The following CNRIP1 variants were observed in gnomAD, a reference collection of about 807,000 sequenced individuals.
The protein encoded by CNRIP1 is CB1 cannabinoid receptor-interacting protein 1.
Under a neutral mutation model 15.2 loss-of-function variants are expected in CNRIP1, and 10 were observed. The observed-to-expected ratio is 0.66, with a 90% CI of 0.41 to 1.12. CNRIP1 has a LOEUF of 1.12. CNRIP1 is among the 50% of genes most tolerant of loss of function. The pLI, the probability that CNRIP1 is intolerant of heterozygous loss-of-function variation, is 0.00. For synonymous variants in CNRIP1, 91 were observed against 83.2 expected, an observed-to-expected ratio of 1.09 and a Z score of -0.51; for missense variants, 211 against 214.7, an observed-to-expected ratio of 0.98 and a Z score of 0.11.
chr2:68,308,742 A>G (rs1671961716), intron 2 of CNRIP1, among the ~76,000 whole-genome samples: 1 of 152,166 alleles, frequency 6.6e-6, no homozygotes, highest in Non-Finnish European at 1.5e-5. Flanking sequence ...TTGCTGGTGC[A>G]AAAATTAAAA....
chr2:68,306,124 C>CAAAAAGAA (rs1671834705), intron 2 of CNRIP1, among the ~76,000 whole-genome samples: 1 of 25,328 alleles, frequency 3.9e-5, no homozygotes, highest in African/African-American at 1.5e-4. Context: ...CCCACCTCTA[C>CAAAAAGAA]AAAAAAAAAA....
chr2:68,289,984 G>A (rs993733826), downstream of CNRIP1, among the ~76,000 whole-genome samples: 2 of 150,866 alleles, frequency 1.3e-5, no homozygotes, highest in Admixed American at 6.6e-5. Context: ...AAACAGCTGA[G>A]CTGGGATTTA....
chr2:68,301,013 TTCAGACA>T (rs1378539603), intron 2 of CNRIP1, among the ~76,000 whole-genome samples: 1 of 152,234 alleles, frequency 6.6e-6, no homozygotes, highest in Non-Finnish European at 1.5e-5. Flanking sequence ...CATAAATTCT[TTCAGACA>T]GCAGACAGAA....
chr2:68,316,372 A>G (rs1672271726), intron 2 of CNRIP1: 1 of 152,204 alleles, frequency 6.6e-6, no homozygotes, highest in Non-Finnish European at 1.5e-5. Flanking sequence ...TAGAGGGCAG[A>G]CAGTTGAAGG....
Position 68,304,085 on chromosome 2 carries a change from A to AAC in CNRIP1, c.331-10060_331-10059insGT, listed in dbSNP as rs1434901263. ...GAGCAAGACTGTCTAAAAACAAACA[A>AAC]AAAAAACAAACAAAAAAGCCAGCCA... On this transcript the variant is annotated intron_variant, in intron 2 of 2. Coordinates refer to ENST00000263655, the MANE Select transcript of CNRIP1 (RefSeq NM_015463.3). 7.0e-3 allele frequency among the ~76,000 whole-genome samples: 1,056 copies of AAC among 151,156 alleles called. 16 individuals carry two copies. Among genetic ancestry groups the AAC allele is most frequent in the African/African-American group, 0.025 (1,019 of 41,128 alleles).
chr2:68,284,503 C>T, intron 2 of CNRIP1: 1 of 1,522,624 alleles, frequency 6.6e-7, no homozygotes, highest in South Asian at 1.2e-5. Flanking sequence ...AAATAGATAC[C>T]AGAATAAGTT....
Position 68,319,518 on chromosome 2 carries a change from G to A in CNRIP1, c.-118C>T, listed in dbSNP as rs539270285. The A allele has an allele frequency of 4.6e-5, 50 of 1,094,042 alleles. No individual in the cohort carries two copies. In the East Asian group the frequency reaches 7.4e-4, roughly 16 times the overall value. The allele number at this position is 1,094,042 out of a possible 1,614,324, so 67.8% of individuals were successfully genotyped here. On this transcript the variant is annotated 5_prime_UTR_variant, in exon 1 of 3. Transcript: ENST00000263655. ...CGCGGGGAGGGTGAGGGAGGTGGTG[G>A]AGCTGAGGCTGCCGCTAGGAACCCG...
intron 2 of CNRIP1, 83 bp from the exon 3 acceptor site, chr2:68,294,109 C>T (rs899466879): frequency 2.1e-6 from 3 of 1,422,130 alleles, no homozygotes; most frequent in Admixed American, 1.9e-5. Flanking sequence ...GATGTAGCTC[C>T]TGGATAATCA....
At position 68,319,475 on chromosome 2, in the gene CNRIP1, C is replaced by T; in HGVS notation, c.-75G>A. 7.2e-7 allele frequency: 1 copy of T among 1,394,474 alleles called. No individual in the cohort carries two copies. Among genetic ancestry groups the T allele is most frequent in the Non-Finnish European group, 9.4e-7 (1 of 1,064,496 alleles). 86.4% of individuals were successfully genotyped at this position (1,394,474 alleles called of 1,614,324 possible). The stretch of plus-strand genomic sequence containing the variant: ...CGGCTGCGGCCGAGTGGCTGGAGCG[C>T]GAGGGGCGGAGAGGAAGCGCGGGGA... On this transcript the variant is annotated 5_prime_UTR_variant, in exon 1 of 3. Coordinates refer to ENST00000263655, the MANE Select transcript of CNRIP1 (RefSeq NM_015463.3).
At chr2:68,304,706 C>T (rs987791584) in intron 2 of CNRIP1, among the ~76,000 whole-genome samples, 8 of 151,730 alleles carry the variant, frequency 5.3e-5, no homozygotes, top group South Asian at 2.1e-4. Context: ...CTGCAAGCTC[C>T]GCCTCCAAGG....
intron 2 of CNRIP1, among the ~76,000 whole-genome samples, chr2:68,307,246 G>C (rs999183171): frequency 1.3e-5 from 2 of 152,018 alleles, no homozygotes; most frequent in African/African-American, 4.8e-5. Flanking sequence ...TGTATGTATT[G>C]TCTAACTACA....
Position 68,294,015 on chromosome 2 carries a change from A to G in CNRIP1, c.342T>C (p.Ile114=), listed in dbSNP as rs1253084639. ...PIQITMPFTD[I]GTFETVWQVK... is the part of the protein sequence containing the mutation. ...CTTGCCACACTGTCTCGAAGGTCCC[A>G]ATGTCTGTGAACTGAGGGAAGAGAA... Residue 114 remains isoleucine (I), a synonymous_variant, in exon 3 of 3, where the codon ATT becomes ATC. Transcript: ENST00000263655. 1.2e-6 allele frequency: 2 copies of G among 1,614,000 alleles called. No individual in the cohort carries two copies. The highest frequency in any genetic ancestry group is 1.7e-6 in the Non-Finnish European group (2 of 1,179,904).
intron 2 of CNRIP1, chr2:68,316,692 A>T (rs3796055): frequency 0.22 from 41,753 of 193,446 alleles, 5,722 homozygotes; most frequent in East Asian, 0.65. Context: ...TATTATATAA[A>T]ATAGGTGTAT....
At chr2:68,298,667 T>A (rs17035229) in intron 2 of CNRIP1, among the ~76,000 whole-genome samples, 5 of 152,212 alleles carry the variant, frequency 3.3e-5, no homozygotes, top group Non-Finnish European at 5.9e-5. Context: ...TAAGGTCACG[T>A]TGAAGTAAAT....
chr2:68,296,484 A>G (rs1671361521), intron 2 of CNRIP1, among the ~76,000 whole-genome samples: 1 of 151,960 alleles, frequency 6.6e-6, no homozygotes, highest in Non-Finnish European at 1.5e-5. Context: ...GGCTGCAGTG[A>G]GCTATAATCA....
At chr2:68,303,279 C>T (rs1016053249) in intron 2 of CNRIP1, among the ~76,000 whole-genome samples, 28 of 152,110 alleles carry the variant, frequency 1.8e-4, no homozygotes, top group Non-Finnish European at 3.5e-4. Flanking sequence ...ACTAAAATTG[C>T]CAGAATTTTA....
At chr2:68,319,166 G>A in intron 1 of CNRIP1, 56 bp downstream of exon 1, 3 of 1,471,692 alleles carry the variant, frequency 2.0e-6, no homozygotes, top group Non-Finnish European at 2.7e-6. Context: ...GGGGGCCTCA[G>A]TCCTCTGCCT....
chr2:68,319,391 G>A lies in CNRIP1; in HGVS notation c.10C>T (p.Leu4=), dbSNP rs1461027687. 1.3e-6 allele frequency: 2 copies of A among 1,574,566 alleles called. No homozygotes were observed. Among genetic ancestry groups the A allele is most frequent in the Non-Finnish European group, 8.6e-7 (1 of 1,162,432 alleles). Residue 4 remains leucine (L), a synonymous_variant, in exon 1 of 3, where the codon CTG becomes TTG. Coordinates refer to ENST00000263655, the MANE Select transcript of CNRIP1 (RefSeq NM_015463.3). MGD[L]PGLVRLSIAL... is the part of the protein sequence containing the mutation. ...ATGGAGAGGCGCACGAGGCCCGGCA[G>A]GTCCCCCATGTCTGGGCGAGGGTCT...
At chr2:68,308,807 T>C (rs1003523623) in intron 2 of CNRIP1, among the ~76,000 whole-genome samples, 1 of 152,066 alleles carries the variant, frequency 6.6e-6, no homozygotes, top group Non-Finnish European at 1.5e-5. Context: ...ACTTTTTTTT[T>C]CTACCCAATA....
Sources: gnomAD v4.1 joint callset for allele counts (sites outside exome capture counted in the v4.1 genomes callset) on GRCh38, gnomAD v4.1.1 for gene constraint, MANE v1.5 for transcripts, NCBI Gene and HGNC (gene_info 2026-07-23, HGNC 2026-07-21) for gene names.